RTN4IP1: variants seen among roughly 807,000 people sequenced by gnomAD.
RTN4IP1 encodes the protein NAD(P)H oxidoreductase RTN4IP1, mitochondrial.
In RTN4IP1, 32 loss-of-function variants were observed where a neutral mutation model predicts 46.6. The observed-to-expected ratio is 0.69, with a 90% confidence interval of 0.52 to 0.92. The LOEUF is 0.92. Among genes scored for constraint, RTN4IP1 ranks in the 40% least tolerant of loss-of-function variants. The pLI, the probability that RTN4IP1 is intolerant of heterozygous loss-of-function variation, is 0.00. For synonymous variants in RTN4IP1, 167 were observed against 161.8 expected (o/e 1.03, Z -0.24); for missense variants, 424 against 485.8 (o/e 0.87, Z 1.20).
In RTN4IP1 at chr6:106,628,992, T is replaced by C; in HGVS notation, c.30A>G (p.Arg10=). 1.2e-6 allele frequency: 2 copies of C among 1,613,648 alleles called. No individual in the cohort carries two copies. Among genetic ancestry groups the C allele is most frequent in the South Asian group, 1.1e-5 (1 of 91,062 alleles). MEFLKTCVL[R]RNACTAVCFW... ...AGCAAACCGCAGTGCATGCATTTCT[T>C]CTAAGTACACAAGTCTTCAGAAATT... Residue 10 remains arginine, a synonymous_variant, in exon 1 of 9, where the codon AGA becomes AGG. Transcript: ENST00000369063.
At chr6:106,593,087 T>C (rs1239371888) in intron 5 of RTN4IP1, among the ~76,000 whole-genome samples, 2 of 152,172 alleles carry the variant, frequency 1.3e-5, no homozygotes, top group Non-Finnish European at 2.9e-5. Flanking sequence ...TAACACAATA[T>C]TGAATCAGAA....
At chr6:106,625,645 C>T (rs370838308) in intron 1 of RTN4IP1, among the ~76,000 whole-genome samples, 22 of 143,048 alleles carry the variant, frequency 1.5e-4, no homozygotes, top group Middle Eastern at 7.6e-3. Context: ...TTTTGAGTGG[C>T]TTTTTTCTTT....
At chr6:106,607,280 A>AC (rs1278737084) in intron 4 of RTN4IP1, among the ~76,000 whole-genome samples, 2 of 150,336 alleles carry the variant, frequency 1.3e-5, no homozygotes, top group Admixed American at 6.8e-5. Flanking sequence ...TAAACATAAG[A>AC]CCCAAAAAAA....
chr6:106,585,381 A>G (rs1287913506), intron 7 of RTN4IP1, among the ~76,000 whole-genome samples: 5 of 152,204 alleles, frequency 3.3e-5, no homozygotes, highest in African/African-American at 1.2e-4. Context: ...AGAATGTCCC[A>G]AGCTTACTGT....
At chr6:106,605,638 C>T (rs886772901) in intron 4 of RTN4IP1, among the ~76,000 whole-genome samples, 2 of 151,574 alleles carry the variant, frequency 1.3e-5, no homozygotes, top group Non-Finnish European at 2.9e-5. Context: ...ATGGTGAAAT[C>T]CTGTCTCTAC....
intron 8 of RTN4IP1, among the ~76,000 whole-genome samples, chr6:106,577,410 T>TA (rs1407171641): frequency 4.4e-5 from 5 of 113,116 alleles, no homozygotes; most frequent in African/African-American, 1.7e-4. Flanking sequence ...ATCACACCAC[T>TA]ACACTCCAGC....
intron 8 of RTN4IP1, among the ~76,000 whole-genome samples, chr6:106,581,134 C>G (rs1775361664): frequency 6.6e-6 from 1 of 152,152 alleles, no homozygotes; most frequent in African/African-American, 2.4e-5. Context: ...ATCTGACAAG[C>G]AGAATCTCAG....
chr6:106,587,896 T>C (rs1421991265), intron 6 of RTN4IP1, 34 bp from the exon 7 acceptor site: 1 of 1,575,220 alleles, frequency 6.3e-7, no homozygotes, highest in Non-Finnish European at 8.6e-7. Flanking sequence ...AACATGGTTG[T>C]CAGGCTTTAC....
intron 8 of RTN4IP1, among the ~76,000 whole-genome samples, chr6:106,580,144 G>A (rs1279397715): frequency 3.3e-5 from 5 of 150,916 alleles, no homozygotes; most frequent in Non-Finnish European, 7.4e-5. Flanking sequence ...AACCCGGGAG[G>A]CGGAGCTTGC....
Position 106,571,955 on chromosome 6 carries a change from A to G in RTN4IP1, c.*41T>C. 6.6e-7 allele frequency: 1 copy of G among 1,508,856 alleles called. No individual in the cohort carries two copies. The highest frequency in any genetic ancestry group is 1.4e-5 in the African/African-American group (1 of 72,488). 93.5% of individuals were successfully genotyped at this position (1,508,856 alleles called of 1,614,324 possible). ...AAAAAATTTGGGCTCACAGGCACTC[A>G]CCAAATAAGAACGTCAACAATCACT... On this transcript the variant is annotated 3_prime_UTR_variant, in exon 9 of 9. Coordinates refer to ENST00000369063, the MANE Select transcript of RTN4IP1 (RefSeq NM_032730.5).
Position 106,628,710 on chromosome 6 carries a change from T to C in RTN4IP1, c.274+38A>G, listed in dbSNP as rs1776722563. 16 of 1,564,520 alleles carry C rather than the reference T, an allele frequency of 1.0e-5. No individual in the cohort carries two copies. In the Admixed American group the frequency reaches 2.7e-4, roughly 26 times the overall value. The stretch of plus-strand genomic sequence containing the variant: ...AAACGGCATACCTTATGAAAGTGAT[T>C]TTTTTAAAAAAGGTAACAATGTCTT... On this transcript the variant is annotated intron_variant, in intron 1 of 8. Transcript: ENST00000369063.
Position 106,571,798 on chromosome 6 carries a change from C to A in RTN4IP1, c.*198G>T. On this transcript the variant is annotated 3_prime_UTR_variant, in exon 9 of 9. Coordinates refer to ENST00000369063, the MANE Select transcript of RTN4IP1 (RefSeq NM_032730.5). ...AGCTTGAAAAAACTTCGAATTTCTA[C>A]TGACTACAGACAAATCCAAGTGCTG... 6.3e-6 allele frequency: 3 copies of A among 473,534 alleles called. No individual in the cohort carries two copies. Among genetic ancestry groups the A allele is most frequent in the Non-Finnish European group, 7.6e-6 (2 of 264,488 alleles). The allele number at this position is 473,534 out of a possible 1,614,324, so 29.3% of individuals were successfully genotyped here. A position where few individuals can be genotyped will look rare whatever the true frequency, so the allele number is the denominator to read the frequency against.
intron 7 of RTN4IP1, chr6:106,583,718 G>T (rs1202936946): frequency 3.2e-6 from 1 of 312,990 alleles, no homozygotes; most frequent in East Asian, 7.9e-5. Flanking sequence ...CATCTAAATG[G>T]TTTTCCACAG....
chr6:106,598,113 G>A (rs1474781266), intron 5 of RTN4IP1, among the ~76,000 whole-genome samples: 1 of 152,028 alleles, frequency 6.6e-6, no homozygotes, highest in African/African-American at 2.4e-5. Flanking sequence ...CATTTGGGTT[G>A]GTTCCAAGTC....
Position 106,572,332 on chromosome 6 carries a change from TCTC to T in RTN4IP1, c.1084-232_1084-230del, listed in dbSNP as rs143828529. 0.067 allele frequency: 35,453 copies of T among 527,612 alleles called. 1,382 individuals carry two copies. Among genetic ancestry groups the T allele is most frequent in the Middle Eastern group, 0.11 (247 of 2,240 alleles). 32.7% of individuals were successfully genotyped at this position (527,612 alleles called of 1,614,324 possible). A position where few individuals can be genotyped will look rare whatever the true frequency, so the allele number is the denominator to read the frequency against. On this transcript the variant is annotated intron_variant, in intron 8 of 8. Transcript: ENST00000369063. ...TCCCACCCCACTGCCCAGTCTTACT[TCTC>T]CTCCATGCTGGTCTTTCACTCTCCT... is the stretch of plus-strand genomic sequence containing the variant.
chr6:106,575,350 C>G (rs1403302760), intron 8 of RTN4IP1, among the ~76,000 whole-genome samples: 2 of 152,190 alleles, frequency 1.3e-5, no homozygotes, highest in Non-Finnish European at 2.9e-5. Context: ...GATTGTGCCT[C>G]GCATCCCTGA....
At chr6:106,592,400 A>G in intron 5 of RTN4IP1, 100 bp from the exon 6 acceptor site, 1 of 1,220,868 alleles carries the variant, frequency 8.2e-7, no homozygotes, top group Non-Finnish European at 1.1e-6. Context: ...TACATATATC[A>G]GACTAATCTC....
chr6:106,588,909 G>A (rs894225924), intron 6 of RTN4IP1, among the ~76,000 whole-genome samples: 1 of 151,732 alleles, frequency 6.6e-6, no homozygotes, highest in Non-Finnish European at 1.5e-5. Flanking sequence ...TCAGGAGTTC[G>A]AGACCAGCCT....
At chr6:106,604,560 G>T (rs1432508404) in intron 4 of RTN4IP1, among the ~76,000 whole-genome samples, 1 of 152,044 alleles carries the variant, frequency 6.6e-6, no homozygotes, top group Non-Finnish European at 1.5e-5. Flanking sequence ...CGATTTCTCT[G>T]AAGTTCCCTC....
Sources: allele counts gnomAD v4.1 joint callset (sites outside exome capture counted in the v4.1 genomes callset), GRCh38; gene constraint gnomAD v4.1.1; transcripts MANE v1.5; gene names NCBI Gene and HGNC (gene_info 2026-07-23, HGNC 2026-07-21).